NTM: variants seen among roughly 807,000 people sequenced by gnomAD.
NTM encodes neurotrimin, also known as IgLON family member 2.
NTM carries 13 observed loss-of-function variants against 42.1 expected under a neutral mutation model. The ratio of observed to expected loss-of-function variants is 0.31; its 90% CI spans 0.20 to 0.49. The LOEUF (loss-of-function observed/expected upper bound fraction) is 0.49. NTM is among the 20% of genes least tolerant of loss of function. NTM has a pLI of 0.99. For synonymous variants in NTM, 187 were observed against 179.2 expected (o/e 1.04, Z -0.35); for missense variants, 373 against 452.8 (o/e 0.82, Z 1.60).
intron 4 of NTM, among the ~76,000 whole-genome samples, chr11:132,263,652 A>G (rs984600856): frequency 1.3e-5 from 2 of 151,426 alleles, no homozygotes; most frequent in Admixed American, 6.6e-5. Context: ...CTCACATGTT[A>G]TTATTAGCAG....
chr11:132,077,602 T>C (rs2136237706), intron 2 of NTM, among the ~76,000 whole-genome samples: 1 of 152,284 alleles, frequency 6.6e-6, no homozygotes, highest in South Asian at 2.1e-4. Flanking sequence ...AAGTGTCTTC[T>C]CAAAGCTGTC....
chr11:131,466,829 TTTTAA>T (rs986398877), intron 1 of NTM, among the ~76,000 whole-genome samples: 2 of 152,226 alleles, frequency 1.3e-5, no homozygotes, highest in Non-Finnish European at 1.5e-5. Flanking sequence ...TTTTCTCTTC[TTTTAA>T]TTTATTTTTA....
At chr11:131,902,356 CT>C (rs889017007) in intron 1 of NTM, among the ~76,000 whole-genome samples, 11 of 152,246 alleles carry the variant, frequency 7.2e-5, no homozygotes, top group Admixed American at 2.6e-4. Context: ...CTTCCCACCA[CT>C]TCACCTGCTC....
intron 2 of NTM, among the ~76,000 whole-genome samples, chr11:132,048,843 A>G (rs2078428762): frequency 7.4e-6 from 1 of 135,882 alleles, no homozygotes. Context: ...TTTTTATAGC[A>G]GCTATTACAT....
intron 1 of NTM, among the ~76,000 whole-genome samples, chr11:131,515,609 C>T (rs1324705736): frequency 6.6e-6 from 1 of 152,170 alleles, no homozygotes; most frequent in Non-Finnish European, 1.5e-5. Context: ...TCGTTTTCTG[C>T]TGGTGCTAGG....
intron 1 of NTM, among the ~76,000 whole-genome samples, chr11:131,651,162 C>G (rs80070315): frequency 6.6e-6 from 1 of 152,126 alleles, no homozygotes; most frequent in Non-Finnish European, 1.5e-5. Context: ...AAATTAAGCT[C>G]CTCAAATATG....
At chr11:131,633,766 C>CCTCCCTCTCTCTCCCTCTCTCTCT (rs1565355326) in intron 1 of NTM, among the ~76,000 whole-genome samples, 1 of 39,998 alleles carries the variant, frequency 2.5e-5, no homozygotes, top group African/African-American at 7.1e-5. Flanking sequence ...CCTCTCTCTC[C>CCTCCCTCTCTCTCCCTCTCTCTCT]CTCTCTCTCT....
intron 1 of NTM, among the ~76,000 whole-genome samples, chr11:131,571,275 C>T (rs2057413377): frequency 6.6e-6 from 1 of 152,172 alleles, no homozygotes; most frequent in Non-Finnish European, 1.5e-5. Context: ...CGGAGCTGCT[C>T]ACTTGGTCTG....
chr11:131,559,827 C>T (rs867387397), intron 1 of NTM, among the ~76,000 whole-genome samples: 19 of 152,310 alleles, frequency 1.2e-4, no homozygotes, highest in Middle Eastern at 6.8e-3. Context: ...GGCTCACTTT[C>T]GTTCCTTCTT....
chr11:131,726,204 C>G (rs2078948814), intron 1 of NTM, among the ~76,000 whole-genome samples: 1 of 152,212 alleles, frequency 6.6e-6, no homozygotes, highest in Admixed American at 6.5e-5. Context: ...TATACAACAT[C>G]TATTTACACA....
chr11:132,307,888 C>A, intron 5 of NTM, 65 bp downstream of exon 5: 2 of 1,514,508 alleles, frequency 1.3e-6, no homozygotes, highest in Non-Finnish European at 1.8e-6. Context: ...ACAGCCACCA[C>A]CCAGAGCCCA....
chr11:131,865,392 T>A (rs544473), intron 1 of NTM, among the ~76,000 whole-genome samples: 1 of 152,072 alleles, frequency 6.6e-6, no homozygotes, highest in Non-Finnish European at 1.5e-5. Flanking sequence ...CCCCTGAATG[T>A]GTTGTATTTA....
At chr11:131,430,587 A>G (rs113750849) in intron 1 of NTM, among the ~76,000 whole-genome samples, 2,874 of 152,312 alleles carry the variant, frequency 0.019, 95 homozygotes, top group African/African-American at 0.065. Flanking sequence ...TGAGAGAGTG[A>G]CAGTGGGCAA....
rs189508031 is a variant in NTM at position 131,371,169 on chromosome 11, G to A, written c.82+281G>A. The A allele has an allele frequency of 1.1e-4, 91 of 816,024 alleles. No homozygotes were observed. In the African/African-American group the frequency reaches 1.6e-3, roughly 14 times the overall value. The allele number at this position is 816,024 out of a possible 1,614,324, so 50.5% of individuals were successfully genotyped here. A position where few individuals can be genotyped will look rare whatever the true frequency, so the allele number is the denominator to read the frequency against. On this transcript the variant is annotated intron_variant, in intron 1 of 8. Coordinates refer to ENST00000683400, the MANE Select transcript of NTM (RefSeq NM_001352005.2). ...TGTGTGCAAGGCTCCCTGGCTTCAT[G>A]CACATTCTTGCACACATACACAACG...
chr11:131,789,950 C>T (rs754570051), intron 1 of NTM, among the ~76,000 whole-genome samples: 12 of 102,798 alleles, frequency 1.2e-4, no homozygotes, highest in East Asian at 8.8e-4. Flanking sequence ...AGCGAGACTC[C>T]GTCTCAAAAA....
At chr11:132,070,898 ACACTGACCGTCACAGGTTAGTT>A (rs2057510633) in intron 2 of NTM, among the ~76,000 whole-genome samples, 1 of 141,426 alleles carries the variant, frequency 7.1e-6, no homozygotes. Flanking sequence ...TTAACACGTC[ACACTGACCGTCACAGGTTAGTT>A]AACACGTCAC....
intron 3 of NTM, among the ~76,000 whole-genome samples, chr11:132,191,330 T>C (rs2079288079): frequency 6.6e-6 from 1 of 152,162 alleles, no homozygotes; most frequent in South Asian, 2.1e-4. Context: ...GTGCAGCCAG[T>C]GCTCAACCTC....
At chr11:131,874,111 T>C (rs1346972007) in intron 1 of NTM, among the ~76,000 whole-genome samples, 1 of 133,524 alleles carries the variant, frequency 7.5e-6, no homozygotes, top group Non-Finnish European at 1.6e-5. Context: ...GTTGCTTCAA[T>C]GTGAAAAGAA....
At chr11:132,272,146 A>G (rs1168543928) in intron 4 of NTM, among the ~76,000 whole-genome samples, 1 of 152,100 alleles carries the variant, frequency 6.6e-6, no homozygotes, top group African/African-American at 2.4e-5. Context: ...TCCCCTAGGA[A>G]CTGTTTTGAT....
Sources: allele counts gnomAD v4.1 joint callset (sites outside exome capture counted in the v4.1 genomes callset), GRCh38; gene constraint gnomAD v4.1.1; transcripts MANE v1.5; gene names NCBI Gene and HGNC (gene_info 2026-07-23, HGNC 2026-07-21).